The following SPMIP2 variants were observed in gnomAD, a reference collection of about 807,000 sequenced individuals.
SPMIP2 encodes the protein protein SPMIP2.
At chr4:158,989,669 G>C in the SPMIP2 span, among the ~76,000 whole-genome samples, 1 of 152,144 alleles carries the variant, frequency 6.6e-6, no homozygotes, top group Admixed American at 6.5e-5. Flanking sequence ...GGGAAAACTG[G>C]CTAGCCATAT....
chr4:159,014,513 A>AT, the SPMIP2 span, among the ~76,000 whole-genome samples: 39 of 151,174 alleles, frequency 2.6e-4, no homozygotes, highest in South Asian at 4.2e-4. Flanking sequence ...TCTGAAACAA[A>AT]TTTTTTTTTT....
the SPMIP2 span, among the ~76,000 whole-genome samples, chr4:159,030,640 G>A: frequency 2.1e-4 from 32 of 151,992 alleles, no homozygotes; most frequent in African/African-American, 7.0e-4. Flanking sequence ...GGGATTACAC[G>A]GGTATGCCAC....
chr4:159,059,032 A>G, the SPMIP2 span, among the ~76,000 whole-genome samples: 3 of 152,260 alleles, frequency 2.0e-5, no homozygotes, highest in African/African-American at 7.2e-5. Context: ...CACCTTGAAC[A>G]TAGACACAAT....
chr4:158,992,770 G>A, the SPMIP2 span, among the ~76,000 whole-genome samples: 2 of 152,174 alleles, frequency 1.3e-5, no homozygotes, highest in Non-Finnish European at 2.9e-5. Flanking sequence ...GGCAGCAGGT[G>A]GAAGGACAAG....
chr4:158,911,761 A>C, the SPMIP2 span, among the ~76,000 whole-genome samples: 8 of 152,220 alleles, frequency 5.3e-5, no homozygotes, highest in East Asian at 1.5e-3. Flanking sequence ...AGTGATTTGC[A>C]TGACCTTTAA....
At chr4:159,016,550 GTTAT>G in the SPMIP2 span, among the ~76,000 whole-genome samples, 22 of 152,138 alleles carry the variant, frequency 1.4e-4, no homozygotes, top group Non-Finnish European at 1.9e-4. Flanking sequence ...GATTAAGTTG[GTTAT>G]TTATTTATTT....
chr4:158,965,391 C>CT, the SPMIP2 span, among the ~76,000 whole-genome samples: 1 of 152,016 alleles, frequency 6.6e-6, no homozygotes, highest in Non-Finnish European at 1.5e-5. Flanking sequence ...TCTGAGTGGA[C>CT]TATTCAAGCA....
At chr4:159,034,460 C>A in the SPMIP2 span, among the ~76,000 whole-genome samples, 1 of 152,166 alleles carries the variant, frequency 6.6e-6, no homozygotes, top group Non-Finnish European at 1.5e-5. Context: ...ACCATAAAAG[C>A]TATGCTAATT....
At chr4:158,966,346 C>T in the SPMIP2 span, among the ~76,000 whole-genome samples, 1 of 152,156 alleles carries the variant, frequency 6.6e-6, no homozygotes, top group Non-Finnish European at 1.5e-5. Context: ...CATAAATTTA[C>T]AATGATTTAA....
chr4:159,082,614 T>C, the SPMIP2 span, among the ~76,000 whole-genome samples: 2 of 152,070 alleles, frequency 1.3e-5, no homozygotes, highest in African/African-American at 2.4e-5. Flanking sequence ...TGCTGAAATA[T>C]TATCTTCAAA....
the SPMIP2 span, among the ~76,000 whole-genome samples, chr4:158,902,805 CAA>C: frequency 6.6e-6 from 1 of 152,332 alleles, no homozygotes; most frequent in East Asian, 1.9e-4. Flanking sequence ...ACCGCTTACT[CAA>C]GTCTCAGCAA....
chr4:158,916,005 C>CA, the SPMIP2 span, among the ~76,000 whole-genome samples: 1 of 152,208 alleles, frequency 6.6e-6, no homozygotes, highest in South Asian at 2.1e-4. Flanking sequence ...ACTTCTTATT[C>CA]ACCATCCTTC....
chr4:159,063,550 A>AAAAT, the SPMIP2 span, among the ~76,000 whole-genome samples: 55,169 of 148,472 alleles, frequency 0.37, 10,758 homozygotes, highest in East Asian at 0.52. Flanking sequence ...ATCCTGTCTC[A>AAAAT]AAATAAATAA....
the SPMIP2 span, among the ~76,000 whole-genome samples, chr4:159,025,489 C>G: frequency 8.5e-5 from 13 of 152,096 alleles, no homozygotes; most frequent in Admixed American, 7.2e-4. Context: ...TAACAAGCCT[C>G]TCCAGGAGAA....
At chr4:159,078,102 T>G in the SPMIP2 span, among the ~76,000 whole-genome samples, 2 of 152,212 alleles carry the variant, frequency 1.3e-5, no homozygotes, top group Admixed American at 1.3e-4. Context: ...TTGATTTTAT[T>G]TTTTTGATTT....
the SPMIP2 span, among the ~76,000 whole-genome samples, chr4:159,072,683 A>T: frequency 6.6e-6 from 1 of 151,894 alleles, no homozygotes; most frequent in East Asian, 1.9e-4. Context: ...GGCTGGTCTC[A>T]AACTCCTGGG....
chr4:158,983,188 G>A, the SPMIP2 span, among the ~76,000 whole-genome samples: 1 of 152,134 alleles, frequency 6.6e-6, no homozygotes, highest in Non-Finnish European at 1.5e-5. Flanking sequence ...TGTCTGATTG[G>A]TGTACCTGAA....
At chr4:158,904,509 A>G in the SPMIP2 span, 4 of 1,613,258 alleles carry the variant, frequency 2.5e-6, no homozygotes, top group South Asian at 4.4e-5. Context: ...TATTGCCAGT[A>G]CTCATTCTCC....
chr4:158,945,747 G>A, the SPMIP2 span, among the ~76,000 whole-genome samples: 1 of 152,138 alleles, frequency 6.6e-6, no homozygotes, highest in Non-Finnish European at 1.5e-5. Flanking sequence ...CCCCACAACT[G>A]AAAGCTGAAA....
Sources: gnomAD v4.1 joint callset for allele counts (sites outside exome capture counted in the v4.1 genomes callset) on GRCh38, gnomAD v4.1.1 for gene constraint, MANE v1.5 for transcripts, NCBI Gene and HGNC (gene_info 2026-07-23, HGNC 2026-07-21) for gene names.